The following ESRRG variants were observed in gnomAD, a reference collection of about 807,000 sequenced individuals.
ESRRG encodes estrogen-related receptor gamma.
In ESRRG, 13 loss-of-function variants were observed where a neutral mutation model predicts 44.0. The ratio of observed to expected loss-of-function variants is 0.30; its 90% CI spans 0.19 to 0.47. The LOEUF (loss-of-function observed/expected upper bound fraction) is 0.47, where lower values mean the gene tolerates loss of function less well. ESRRG is among the 20% of genes least tolerant of loss of function. ESRRG has a pLI of 1.00. For missense variants in ESRRG, 395 were observed against 580.6 expected (o/e 0.68, Z 3.29); for synonymous variants, 215 against 214.6 (o/e 1.00, Z -0.02).
chr1:216,643,674 A>G (rs1372128744), intron 3 of ESRRG, among the ~76,000 whole-genome samples: 1 of 152,134 alleles, frequency 6.6e-6, no homozygotes, highest in Non-Finnish European at 1.5e-5. Context: ...TCCCATAAAG[A>G]CTTTTCCTGG....
At chr1:217,132,084 G>A (rs1489449369) in intron 1 of ESRRG, among the ~76,000 whole-genome samples, 1 of 152,196 alleles carries the variant, frequency 6.6e-6, no homozygotes, top group African/African-American at 2.4e-5. Flanking sequence ...GAGTGGAAAA[G>A]GAGGGAGGAA....
chr1:216,696,440 AC>A, intron 1 of ESRRG, among the ~76,000 whole-genome samples: 1 of 152,304 alleles, frequency 6.6e-6, no homozygotes, highest in Admixed American at 6.5e-5. Context: ...GCCATGATGT[AC>A]CTGTCTTGAC....
intron 2 of ESRRG, among the ~76,000 whole-genome samples, chr1:216,730,888 C>G (rs1398770002): frequency 6.6e-6 from 1 of 152,166 alleles, no homozygotes; most frequent in Non-Finnish European, 1.5e-5. Context: ...ATCATTTATT[C>G]TTCTGATAGC....
intron 5 of ESRRG, among the ~76,000 whole-genome samples, chr1:216,555,452 C>A (rs2057335141): frequency 6.6e-6 from 1 of 151,952 alleles, no homozygotes; most frequent in East Asian, 1.9e-4. Flanking sequence ...AGCTGGATTA[C>A]CCAGCTATTA....
At chr1:216,934,276 A>C (rs1288710268) in intron 2 of ESRRG, among the ~76,000 whole-genome samples, 1 of 152,234 alleles carries the variant, frequency 6.6e-6, no homozygotes, top group Admixed American at 6.5e-5. Flanking sequence ...TCTACTAAAT[A>C]TACAAAAATT....
At chr1:216,976,895 A>G (rs966440322) in intron 1 of ESRRG, among the ~76,000 whole-genome samples, 5 of 152,146 alleles carry the variant, frequency 3.3e-5, no homozygotes, top group Admixed American at 3.3e-4. Context: ...TAGAGGGAAA[A>G]GAAGTGAATT....
intron 1 of ESRRG, among the ~76,000 whole-genome samples, chr1:217,134,381 G>C (rs564124920): frequency 2.4e-4 from 37 of 152,338 alleles, no homozygotes; most frequent in Non-Finnish European, 4.1e-4. Flanking sequence ...GGAGAAACTG[G>C]TGGTGCCTAA....
At position 216,938,248 on chromosome 1, in the gene ESRRG, G is replaced by A. The variant is rs536187846; in HGVS notation, c.-14+1334C>T. On this transcript the variant is annotated intron_variant, in intron 2 of 7. Transcript: ENST00000359162. ...AGTGTACAAATCATTGCCCCTTCCTGCAATGGCATAGTAAGCATGAATTTG... is the reference window on the plus strand; with the variant it reads ...AGTGTACAAATCATTGCCCCTTCCTACAATGGCATAGTAAGCATGAATTTG... 2.4e-4 allele frequency among the ~76,000 whole-genome samples: 36 copies of A among 152,244 alleles called. 1 individual carries two copies. The highest frequency in any genetic ancestry group is 8.7e-4 in the African/African-American group (36 of 41,532).
At chr1:216,978,304 A>T (rs992597870) in intron 1 of ESRRG, among the ~76,000 whole-genome samples, 2 of 152,190 alleles carry the variant, frequency 1.3e-5, no homozygotes, top group African/African-American at 2.4e-5. Flanking sequence ...TTTGCACTAT[A>T]ATGGCAGAGT....
At chr1:217,124,437 A>G (rs1018000796) in intron 1 of ESRRG, among the ~76,000 whole-genome samples, 2 of 152,198 alleles carry the variant, frequency 1.3e-5, no homozygotes, top group African/African-American at 2.4e-5. Flanking sequence ...CATGTACTTA[A>G]CGAACAATAA....
intron 2 of ESRRG, among the ~76,000 whole-genome samples, chr1:216,794,016 A>G (rs1042297408): frequency 6.6e-6 from 1 of 151,890 alleles, no homozygotes; most frequent in Non-Finnish European, 1.5e-5. Flanking sequence ...GAAGAGAAAA[A>G]AATTCTGAAA....
intron 1 of ESRRG, among the ~76,000 whole-genome samples, chr1:217,008,369 T>C (rs2078060581): frequency 6.6e-6 from 1 of 152,210 alleles, no homozygotes; most frequent in Non-Finnish European, 1.5e-5. Context: ...GAATATATGC[T>C]CAACGAAAGT....
At chr1:217,069,579 T>G (rs2090291258) in intron 1 of ESRRG, among the ~76,000 whole-genome samples, 1 of 152,278 alleles carries the variant, frequency 6.6e-6, no homozygotes, top group East Asian at 1.9e-4. Flanking sequence ...CTTTCCACTC[T>G]GACTTATATT....
intron 2 of ESRRG, among the ~76,000 whole-genome samples, chr1:216,769,524 C>A (rs758703693): frequency 7.2e-5 from 11 of 151,838 alleles, no homozygotes; most frequent in Non-Finnish European, 1.5e-4. Context: ...TCTTGGTGAG[C>A]CATGGAAGAT....
At chr1:217,049,623 A>AG (rs1158686040) in intron 1 of ESRRG, among the ~76,000 whole-genome samples, 2 of 152,172 alleles carry the variant, frequency 1.3e-5, no homozygotes, top group Admixed American at 6.5e-5. Context: ...GAAGATCTAG[A>AG]GGTGAGTGTA....
Position 216,905,740 on chromosome 1 carries a change from ATTC to A in ESRRG, c.-14+33839_-14+33841del, listed in dbSNP as rs1440059629. On this transcript the variant is annotated intron_variant, in intron 2 of 7. Coordinates refer to the ESRRG transcript ENST00000359162. ...ACTAATATACCTGTTAAATAAATTT[ATTC>A]TTCTTCTTTTCTTTTTTTGAAACAG... Among the ~76,000 whole-genome samples, 4 of 152,100 alleles carry A rather than the reference ATTC, an allele frequency of 2.6e-5. No individual in the cohort carries two copies. In the East Asian group the frequency reaches 7.7e-4, roughly 29 times the overall value.
At chr1:216,825,051 G>T (rs2095367201) in intron 2 of ESRRG, among the ~76,000 whole-genome samples, 1 of 152,134 alleles carries the variant, frequency 6.6e-6, no homozygotes, top group South Asian at 2.1e-4. Context: ...CCATCTGCTT[G>T]TTTTTTACCA....
Position 216,531,159 on chromosome 1 carries a change from T to A in ESRRG, c.863-11738A>T, listed in dbSNP as rs116628354. Among the ~76,000 whole-genome samples, 1,056 of 152,258 alleles carry A rather than the reference T, an allele frequency of 6.9e-3. 6 individuals are homozygous for A. The highest frequency in any genetic ancestry group is 0.024 in the African/African-American group (997 of 41,536). ...AAGAAATATGTTATCCATGAGATGCTTGTCACAGATATGAAATTATAGCAT... is the reference window on the plus strand; with the variant it reads ...AAGAAATATGTTATCCATGAGATGCATGTCACAGATATGAAATTATAGCAT... On this transcript the variant is annotated intron_variant, in intron 5 of 6. Coordinates refer to ENST00000408911, the MANE Select transcript of ESRRG (RefSeq NM_001438.4).
chr1:216,998,205 A>G (rs1192763148), intron 1 of ESRRG, among the ~76,000 whole-genome samples: 1 of 152,232 alleles, frequency 6.6e-6, no homozygotes, highest in Non-Finnish European at 1.5e-5. Context: ...TTCTGATAAT[A>G]AAATGCAAGA....
Sources: allele counts gnomAD v4.1 joint callset (sites outside exome capture counted in the v4.1 genomes callset), GRCh38; gene constraint gnomAD v4.1.1; transcripts MANE v1.5; gene names NCBI Gene and HGNC (gene_info 2026-07-23, HGNC 2026-07-21).